Variants in PTPRD observed in about 807,000 individuals in gnomAD.
PTPRD encodes protein tyrosine phosphatase receptor type D.
Under a neutral mutation model 214.5 loss-of-function variants are expected in PTPRD, and 34 were observed. That is an observed-to-expected ratio of 0.16 (90% CI 0.12 to 0.21). The LOEUF (loss-of-function observed/expected upper bound fraction) is 0.21, where lower values mean the gene tolerates loss of function less well. Ranked by LOEUF, PTPRD falls within the 10% of genes least tolerant of loss-of-function variation. The probability of loss-of-function intolerance (pLI) is 1.00; values close to 1 mark genes in which losing one functional copy is unlikely to be tolerated. For synonymous variants in PTPRD, 1,128 were observed against 845.7 expected (o/e 1.33, Z -5.79); for missense variants, 2,545 against 2,398.7 (o/e 1.06, Z -1.27).
chr9:8,429,727 A>T (rs1243793771), intron 35 of PTPRD, among the ~76,000 whole-genome samples: 2 of 152,184 alleles, frequency 1.3e-5, no homozygotes, highest in Non-Finnish European at 2.9e-5. Flanking sequence ...ACATGTGAGC[A>T]CTGAGACTGG....
intron 3 of PTPRD, among the ~76,000 whole-genome samples, chr9:10,082,488 C>T (rs2098256499): frequency 6.6e-6 from 1 of 151,902 alleles, no homozygotes; most frequent in Non-Finnish European, 1.5e-5. Flanking sequence ...TGACAGCAAA[C>T]AATTCTATCA....
Position 8,317,317 on chromosome 9 carries a change from G to C in PTPRD, c.*557C>G, listed in dbSNP as rs1042371298. On this transcript the variant is annotated 3_prime_UTR_variant, in exon 46 of 46. Transcript: ENST00000381196. ...GAATGATACATTTTGTTAAAAAAAA[G>C]TTTACACAGTTAGAAATGAAGCACA... 1 of 232,016 alleles carries C rather than the reference G, an allele frequency of 4.3e-6. No homozygotes were observed. The highest frequency in any genetic ancestry group is 2.2e-5 in the African/African-American group (1 of 45,192). 14.4% of individuals were successfully genotyped at this position (232,016 alleles called of 1,614,324 possible).
At chr9:9,585,463 A>G (rs1563868561) in intron 7 of PTPRD, among the ~76,000 whole-genome samples, 1 of 152,024 alleles carries the variant, frequency 6.6e-6, no homozygotes, top group Non-Finnish European at 1.5e-5. Context: ...CTACTTTCCA[A>G]ACTTCTTGGT....
intron 10 of PTPRD, among the ~76,000 whole-genome samples, chr9:9,111,089 G>C (rs746456676): frequency 6.6e-6 from 1 of 151,838 alleles, no homozygotes; most frequent in Non-Finnish European, 1.5e-5. Context: ...AAGTTAAAGT[G>C]AGCTATCTAG....
intron 2 of PTPRD, among the ~76,000 whole-genome samples, chr9:10,356,845 A>C (rs2097288570): frequency 6.6e-6 from 1 of 151,356 alleles, no homozygotes; most frequent in South Asian, 2.1e-4. Flanking sequence ...ATGCCCGGCT[A>C]ATTTTTGTTT....
At chr9:9,310,115 T>G (rs1390134817) in intron 9 of PTPRD, among the ~76,000 whole-genome samples, 1 of 152,204 alleles carries the variant, frequency 6.6e-6, no homozygotes, top group East Asian at 1.9e-4. Context: ...ATCTCATTTT[T>G]TTCCAGACTG....
intron 2 of PTPRD, among the ~76,000 whole-genome samples, chr9:10,501,413 TTA>T (rs2043675640): frequency 6.6e-6 from 1 of 152,034 alleles, no homozygotes; most frequent in Non-Finnish European, 1.5e-5. Flanking sequence ...TCTGAGCTCC[TTA>T]TATATTCTGG....
chr9:9,856,201 T>C (rs979394238), intron 5 of PTPRD, among the ~76,000 whole-genome samples: 2 of 152,092 alleles, frequency 1.3e-5, no homozygotes, highest in African/African-American at 4.8e-5. Flanking sequence ...GCTTCTGACA[T>C]CCAGCTGTAG....
chr9:10,433,640 T>C (rs1286555885), intron 2 of PTPRD, among the ~76,000 whole-genome samples: 3 of 151,876 alleles, frequency 2.0e-5, no homozygotes, highest in African/African-American at 4.8e-5. Context: ...TGTTTGGAAA[T>C]AGATAAAAGC....
At chr9:8,679,130 A>G (rs2097499287) in intron 12 of PTPRD, among the ~76,000 whole-genome samples, 1 of 152,170 alleles carries the variant, frequency 6.6e-6, no homozygotes, top group South Asian at 2.1e-4. Flanking sequence ...AACAGCCTAT[A>G]AAAAGGATTC....
At chr9:9,375,110 T>C (rs2060445457) in intron 9 of PTPRD, among the ~76,000 whole-genome samples, 1 of 152,146 alleles carries the variant, frequency 6.6e-6, no homozygotes, top group Non-Finnish European at 1.5e-5. Flanking sequence ...TGTTGGCACA[T>C]GTGTTTCAAA....
chr9:8,839,294 A>C (rs2097507298), intron 11 of PTPRD, among the ~76,000 whole-genome samples: 1 of 144,578 alleles, frequency 6.9e-6, no homozygotes, highest in South Asian at 2.2e-4. Flanking sequence ...AGATTGACCA[A>C]GGGGATTTTA....
At chr9:9,309,002 T>G (rs1228004069) in intron 9 of PTPRD, among the ~76,000 whole-genome samples, 1 of 152,040 alleles carries the variant, frequency 6.6e-6, no homozygotes, top group Non-Finnish European at 1.5e-5. Context: ...ATTATATGAG[T>G]GATATATTAA....
intron 11 of PTPRD, among the ~76,000 whole-genome samples, chr9:8,810,668 T>C (rs2096783820): frequency 6.6e-6 from 1 of 152,160 alleles, no homozygotes; most frequent in South Asian, 2.1e-4. Context: ...TTATTTGCCA[T>C]TCTCCAGTTT....
intron 11 of PTPRD, among the ~76,000 whole-genome samples, chr9:8,781,612 C>T (rs140831009): frequency 2.6e-3 from 392 of 152,244 alleles, no homozygotes; most frequent in African/African-American, 9.2e-3. Flanking sequence ...TTAAAGGTCA[C>T]ATGGAGCACT....
chr9:9,549,084 C>A (rs1477732804), intron 8 of PTPRD, among the ~76,000 whole-genome samples: 1 of 151,868 alleles, frequency 6.6e-6, no homozygotes, highest in Non-Finnish European at 1.5e-5. Flanking sequence ...ACTATCTTTG[C>A]AATCTTGAAG....
intron 9 of PTPRD, among the ~76,000 whole-genome samples, chr9:9,371,153 T>C (rs1383246502): frequency 6.6e-6 from 1 of 152,178 alleles, no homozygotes; most frequent in East Asian, 1.9e-4. Flanking sequence ...GGATTCCCTC[T>C]TTTTCCATTA....
At position 10,443,090 on chromosome 9, in the gene PTPRD, G is replaced by GA. The variant is rs201814001; in HGVS notation, c.-599-102074dup. ...CTGCCTTCTAATGTGAGCAATTTCA[G>GA]AAAAAAAAAAAAAGGCCTGGATGGT... On this transcript the variant is annotated intron_variant, in intron 2 of 45. Coordinates refer to ENST00000381196, the MANE Select transcript of PTPRD (RefSeq NM_002839.4). Among the ~76,000 whole-genome samples the GA allele has an allele frequency of 7.1e-3, 853 of 119,780 alleles. 4 individuals carry two copies. The highest frequency in any genetic ancestry group is 0.019 in the African/African-American group (620 of 33,032). The allele number at this position is 119,780 out of a possible 152,430, so 78.6% of individuals were successfully genotyped here.
At chr9:9,889,952 C>T (rs904563539) in intron 5 of PTPRD, among the ~76,000 whole-genome samples, 1 of 151,938 alleles carries the variant, frequency 6.6e-6, no homozygotes, top group Admixed American at 6.6e-5. Context: ...GGTGAATTAT[C>T]AGCAATCTGG....
Sources: gnomAD v4.1 joint callset for allele counts (sites outside exome capture counted in the v4.1 genomes callset) on GRCh38, gnomAD v4.1.1 for gene constraint, MANE v1.5 for transcripts, NCBI Gene and HGNC (gene_info 2026-07-23, HGNC 2026-07-21) for gene names.